RAB38: variants seen among roughly 807,000 people sequenced by gnomAD.
The protein encoded by RAB38 is RAB38, member RAS oncogene family.
In RAB38, 15 loss-of-function variants were observed where a neutral mutation model predicts 18.4. That is an observed-to-expected ratio of 0.82 (90% CI 0.55 to 1.26). RAB38 has a LOEUF of 1.26. Ranked by LOEUF, RAB38 falls within the 50% of genes most tolerant of loss-of-function variation. The probability of loss-of-function intolerance (pLI) is 0.00; values close to 1 mark genes in which losing one functional copy is unlikely to be tolerated. For synonymous variants in RAB38, 101 were observed against 104.4 expected (o/e 0.97, Z 0.20); for missense variants, 294 against 267.4 (o/e 1.10, Z -0.69).
chr11:87,917,943 ATAG>A, the RAB38 span: 1 of 151,996 alleles, frequency 6.6e-6, no homozygotes, highest in East Asian at 1.9e-4. Flanking sequence ...GGCAAAAACA[ATAG>A]AAATTACACC....
At chr11:88,078,893 A>G in the RAB38 span, among the ~76,000 whole-genome samples, 1 of 152,016 alleles carries the variant, frequency 6.6e-6, no homozygotes, top group African/African-American at 2.4e-5. Context: ...TACTTCTAGC[A>G]TAAAGAAAAG....
At chr11:88,126,579 A>T (rs796874007) in intron 2 of RAB38, among the ~76,000 whole-genome samples, 3 of 152,312 alleles carry the variant, frequency 2.0e-5, no homozygotes, top group African/African-American at 7.2e-5. Context: ...AAGGGATAGC[A>T]TTAGGAGATA....
At chr11:88,095,225 C>A in the RAB38 span, among the ~76,000 whole-genome samples, 2 of 151,948 alleles carry the variant, frequency 1.3e-5, 1 homozygote, top group Non-Finnish European at 2.9e-5. Flanking sequence ...TTTATCTCAA[C>A]ACCATTCCTG....
chr11:88,158,186 T>C (rs907826845), intron 1 of RAB38, among the ~76,000 whole-genome samples: 2 of 152,016 alleles, frequency 1.3e-5, no homozygotes, highest in Non-Finnish European at 2.9e-5. Flanking sequence ...TTAGAGGAAA[T>C]GAATAAATTC....
chr11:88,175,083 T>C, intron 1 of RAB38, 100 bp downstream of exon 1: 1 of 1,324,922 alleles, frequency 7.5e-7, no homozygotes, highest in Non-Finnish European at 1.0e-6. Context: ...CCTCGCGACC[T>C]AGTGATTTTA....
chr11:88,139,107 G>T (rs563638967), intron 2 of RAB38, among the ~76,000 whole-genome samples: 4 of 152,152 alleles, frequency 2.6e-5, no homozygotes, highest in African/African-American at 9.6e-5. Context: ...ATTAAGATTC[G>T]CATGGTCTTG....
the RAB38 span, among the ~76,000 whole-genome samples, chr11:87,832,616 C>T: frequency 3.3e-5 from 5 of 152,248 alleles, no homozygotes; most frequent in East Asian, 1.9e-4. Flanking sequence ...CACCCAGGCC[C>T]CTATATCTCA....
the RAB38 span, among the ~76,000 whole-genome samples, chr11:87,924,230 C>G: frequency 1.3e-5 from 2 of 151,962 alleles, no homozygotes; most frequent in Non-Finnish European, 2.9e-5. Flanking sequence ...TATTTGAACT[C>G]AAAATGCACA....
the RAB38 span, among the ~76,000 whole-genome samples, chr11:87,962,096 G>T: frequency 2.0e-5 from 3 of 152,118 alleles, no homozygotes; most frequent in African/African-American, 7.2e-5. Context: ...ATAAAGTAAG[G>T]ATGGAAGTTC....
At chr11:88,038,488 C>A in the RAB38 span, among the ~76,000 whole-genome samples, 1 of 152,122 alleles carries the variant, frequency 6.6e-6, no homozygotes, top group Non-Finnish European at 1.5e-5. Flanking sequence ...AATTTAGATG[C>A]ATGTCTTCAC....
At chr11:87,906,947 ATAT>A in the RAB38 span, among the ~76,000 whole-genome samples, 5 of 151,852 alleles carry the variant, frequency 3.3e-5, no homozygotes, top group Non-Finnish European at 5.9e-5. Context: ...GTTTATTGAC[ATAT>A]TATAATAACA....
At chr11:88,032,672 A>G in the RAB38 span, among the ~76,000 whole-genome samples, 16 of 152,246 alleles carry the variant, frequency 1.1e-4, no homozygotes, top group South Asian at 2.1e-4. Flanking sequence ...CAAAACCACA[A>G]TGAGATACCA....
At chr11:87,913,727 G>T in the RAB38 span, among the ~76,000 whole-genome samples, 900 of 152,196 alleles carry the variant, frequency 5.9e-3, 5 homozygotes, top group Middle Eastern at 0.017. Flanking sequence ...TGGGACTGAC[G>T]CTTTGAGAGC....
the RAB38 span, among the ~76,000 whole-genome samples, chr11:87,964,963 G>T: frequency 6.6e-6 from 1 of 152,134 alleles, no homozygotes; most frequent in African/African-American, 2.4e-5. Context: ...AACAACTAAA[G>T]TTATATCTAC....
At chr11:88,024,764 G>A in the RAB38 span, among the ~76,000 whole-genome samples, 1 of 152,098 alleles carries the variant, frequency 6.6e-6, no homozygotes, top group Non-Finnish European at 1.5e-5. Flanking sequence ...GGCACAGAAA[G>A]ACAAACATCT....
Position 88,149,708 on chromosome 11 carries a change from G to A in RAB38, c.450C>T (p.His150=), listed in dbSNP as rs146840876. 3.5e-5 allele frequency: 56 copies of A among 1,613,204 alleles called. No individual in the cohort carries two copies. The highest frequency in any genetic ancestry group is 2.1e-4 in the South Asian group (19 of 91,032). The change falls in exon 2 of 3, where the codon CAC becomes CAT. Residue 150 remains histidine, a synonymous_variant. Transcript: ENST00000243662. ...ATGTTTCAAACCATCCTACGAAACC[G>A]TGCTCCTTGCAGAACTGGTCCATCT... ...GLKMDQFCKE[H]GFVGWFETSA... is the part of the protein sequence containing the mutation.
At chr11:87,922,263 C>G in the RAB38 span, among the ~76,000 whole-genome samples, 1 of 151,888 alleles carries the variant, frequency 6.6e-6, no homozygotes, top group Admixed American at 6.6e-5. Flanking sequence ...AATCTGTCAT[C>G]CACCCCCACA....
At chr11:87,861,487 G>A in the RAB38 span, among the ~76,000 whole-genome samples, 1 of 151,876 alleles carries the variant, frequency 6.6e-6, no homozygotes, top group South Asian at 2.1e-4. Context: ...CTACCAACAG[G>A]TGAAAGTGGG....
chr11:87,952,771 A>C, the RAB38 span, among the ~76,000 whole-genome samples: 1 of 152,236 alleles, frequency 6.6e-6, no homozygotes, highest in Non-Finnish European at 1.5e-5. Flanking sequence ...CTGGACTTCC[A>C]GGACTTTTTG....
Sources: gnomAD v4.1 joint callset for allele counts (sites outside exome capture counted in the v4.1 genomes callset) on GRCh38, gnomAD v4.1.1 for gene constraint, MANE v1.5 for transcripts, NCBI Gene and HGNC (gene_info 2026-07-23, HGNC 2026-07-21) for gene names.